The following HS6ST3 variants were observed in gnomAD, a reference collection of about 807,000 sequenced individuals.
The protein encoded by HS6ST3 is heparan sulfate 6-O-sulfotransferase 3, also known as heparan-sulfate 6-O-sulfotransferase 3.
A neutral mutation model predicts 36.7 loss-of-function variants in HS6ST3; 12 were observed. The ratio of observed to expected loss-of-function variants is 0.33; its 90% CI spans 0.21 to 0.53. HS6ST3 has a LOEUF of 0.53. HS6ST3 is among the 20% of genes least tolerant of loss of function. The pLI is 0.95. For synonymous variants in HS6ST3, 240 were observed against 257.5 expected (o/e 0.93, Z 0.65); for missense variants, 584 against 640.9 (o/e 0.91, Z 0.96).
At chr13:96,329,602 G>C (rs1194646363) in intron 1 of HS6ST3, among the ~76,000 whole-genome samples, 1,495 of 126,086 alleles carry the variant, frequency 0.012, 149 homozygotes, top group African/African-American at 0.048. Flanking sequence ...TTACTTCCAA[G>C]TATGTGGTCA....
At chr13:96,340,514 C>T (rs1159326976) in intron 1 of HS6ST3, among the ~76,000 whole-genome samples, 4 of 152,284 alleles carry the variant, frequency 2.6e-5, no homozygotes, top group South Asian at 2.1e-4. Flanking sequence ...ATAGAGGGGG[C>T]GTTTGATCAG....
intron 1 of HS6ST3, among the ~76,000 whole-genome samples, chr13:96,553,905 A>G (rs1226845077): frequency 6.6e-6 from 1 of 152,248 alleles, no homozygotes; most frequent in Non-Finnish European, 1.5e-5. Context: ...GAAAAGAACC[A>G]AAGATGGCTG....
At chr13:96,655,459 T>A (rs2056621467) in intron 1 of HS6ST3, among the ~76,000 whole-genome samples, 1 of 151,894 alleles carries the variant, frequency 6.6e-6, no homozygotes, top group Admixed American at 6.6e-5. Flanking sequence ...GTGAATGGAG[T>A]TGTCAAATGG....
intron 1 of HS6ST3, among the ~76,000 whole-genome samples, chr13:96,141,543 G>T (rs1187265613): frequency 2.0e-5 from 3 of 151,914 alleles, no homozygotes; most frequent in African/African-American, 4.8e-5. Context: ...GCAGAAGGTG[G>T]TCTCGAACTC....
intron 1 of HS6ST3, among the ~76,000 whole-genome samples, chr13:96,769,695 G>A (rs934261456): frequency 6.6e-6 from 1 of 150,466 alleles, no homozygotes; most frequent in South Asian, 2.1e-4. Flanking sequence ...CTCTTTTGGG[G>A]GACTTTTCCC....
At chr13:96,424,283 A>T (rs1401246188) in intron 1 of HS6ST3, among the ~76,000 whole-genome samples, 1 of 152,176 alleles carries the variant, frequency 6.6e-6, no homozygotes, top group Non-Finnish European at 1.5e-5. Context: ...TTGAATCATT[A>T]TACCTGTAAA....
chr13:96,577,697 C>T (rs1594810840), intron 1 of HS6ST3, among the ~76,000 whole-genome samples: 3 of 152,084 alleles, frequency 2.0e-5, no homozygotes, highest in Admixed American at 2.0e-4. Context: ...TGAACACACA[C>T]TTCTCAAAAG....
chr13:96,656,321 C>A (rs1276914286), intron 1 of HS6ST3, among the ~76,000 whole-genome samples: 5 of 152,116 alleles, frequency 3.3e-5, no homozygotes, highest in Admixed American at 6.6e-5. Flanking sequence ...AGATGATTTA[C>A]AAGTTATGTA....
intron 1 of HS6ST3, among the ~76,000 whole-genome samples, chr13:96,142,655 T>G (rs2054037611): frequency 6.6e-6 from 1 of 152,192 alleles, no homozygotes; most frequent in African/African-American, 2.4e-5. Flanking sequence ...TGGGTAGTTA[T>G]GATACACGGG....
intron 1 of HS6ST3, among the ~76,000 whole-genome samples, chr13:96,387,261 G>C (rs2055373113): frequency 6.6e-6 from 1 of 152,170 alleles, no homozygotes; most frequent in African/African-American, 2.4e-5. Flanking sequence ...ATGGGTTTGT[G>C]TTCCCTGAGT....
intron 1 of HS6ST3, among the ~76,000 whole-genome samples, chr13:96,280,981 T>C (rs2054772800): frequency 6.6e-6 from 1 of 152,140 alleles, no homozygotes; most frequent in African/African-American, 2.4e-5. Flanking sequence ...CTTTTTAGCA[T>C]ACTCCCATGC....
chr13:96,257,315 G>C (rs2054641983), intron 1 of HS6ST3, among the ~76,000 whole-genome samples: 1 of 152,140 alleles, frequency 6.6e-6, no homozygotes, highest in South Asian at 2.1e-4. Flanking sequence ...AATAACACCT[G>C]TAATACAGAG....
At chr13:96,295,229 T>C (rs1293121257) in intron 1 of HS6ST3, among the ~76,000 whole-genome samples, 1 of 152,140 alleles carries the variant, frequency 6.6e-6, no homozygotes, top group African/African-American at 2.4e-5. Flanking sequence ...GATTTGCTGA[T>C]AATAATACCT....
chr13:96,289,751 C>T (rs370179522), intron 1 of HS6ST3, among the ~76,000 whole-genome samples: 7 of 152,136 alleles, frequency 4.6e-5, no homozygotes, highest in African/African-American at 1.7e-4. Flanking sequence ...GCTACAAAGA[C>T]AGTAGACTGG....
intron 1 of HS6ST3, among the ~76,000 whole-genome samples, chr13:96,433,416 A>G (rs1000692415): frequency 1.3e-5 from 2 of 152,180 alleles, no homozygotes; most frequent in Non-Finnish European, 2.9e-5. Context: ...GGTCAGGTGG[A>G]GATAATTGAA....
intron 1 of HS6ST3, among the ~76,000 whole-genome samples, chr13:96,473,506 G>A (rs916771315): frequency 6.6e-5 from 10 of 152,318 alleles, no homozygotes; most frequent in East Asian, 1.9e-4. Context: ...TTGCCTCTGA[G>A]ATGAAATCCT....
intron 1 of HS6ST3, among the ~76,000 whole-genome samples, chr13:96,376,544 T>C (rs1188006345): frequency 6.6e-6 from 1 of 152,166 alleles, no homozygotes. Context: ...CTGTCCAAGG[T>C]TGGTAGCATG....
At chr13:96,785,743 G>T (rs184691412) in intron 1 of HS6ST3, among the ~76,000 whole-genome samples, 7 of 152,246 alleles carry the variant, frequency 4.6e-5, no homozygotes, top group Admixed American at 2.0e-4. Context: ...AAGAGGCAAA[G>T]AGATACATGA....
chr13:96,494,123 C>G (rs1385429597), intron 1 of HS6ST3, among the ~76,000 whole-genome samples: 2 of 151,836 alleles, frequency 1.3e-5, no homozygotes, highest in East Asian at 3.9e-4. Context: ...TAAATGTCTT[C>G]TTTTGAGAAG....
Sources: gnomAD v4.1 joint callset for allele counts (sites outside exome capture counted in the v4.1 genomes callset) on GRCh38, gnomAD v4.1.1 for gene constraint, MANE v1.5 for transcripts, NCBI Gene and HGNC (gene_info 2026-07-23, HGNC 2026-07-21) for gene names.